NUP210: variants seen among roughly 807,000 people sequenced by gnomAD.
NUP210 encodes the protein nucleoporin 210.
Under a neutral mutation model 196.0 loss-of-function variants are expected in NUP210, and 151 were observed. The ratio of observed to expected loss-of-function variants is 0.77; its 90% CI spans 0.67 to 0.88. NUP210 has a LOEUF of 0.88. Among genes scored for constraint, NUP210 ranks in the 40% least tolerant of loss-of-function variants. NUP210 has a pLI of 0.00. For missense variants in NUP210, 2,314 were observed against 2,493.7 expected (o/e 0.93, Z 1.53); for synonymous variants, 1,070 against 1,052.7 (o/e 1.02, Z -0.32).
At chr3:13,375,683 G>A (rs771847600) in intron 10 of NUP210, 42 bp from the exon 11 acceptor site, 1 of 1,591,420 alleles carries the variant, frequency 6.3e-7, no homozygotes, top group Non-Finnish European at 8.6e-7. Context: ...TGACAACCAT[G>A]TCATCATCAG....
Position 13,360,496 on chromosome 3 carries a change from G to C in NUP210, c.1933-5C>G. The C allele has an allele frequency of 6.2e-7, 1 of 1,600,436 alleles. No individual in the cohort carries two copies. Among genetic ancestry groups the C allele is most frequent in the Non-Finnish European group, 8.5e-7 (1 of 1,172,942 alleles). On this transcript the variant is annotated splice_polypyrimidine_tract_variant and splice_region_variant and intron_variant, in intron 14 of 39. Transcript: ENST00000254508. ...AACAGAGGAGGGATCCACAGCCTGGGGACAGAAGAGGCAGAAGACTTGGCA... is the reference window on the plus strand; with the variant it reads ...AACAGAGGAGGGATCCACAGCCTGGCGACAGAAGAGGCAGAAGACTTGGCA...
In NUP210 at chr3:13,350,612, A is replaced by G. The variant is rs1479627512; in HGVS notation, c.2835+1267T>C. Among the ~76,000 whole-genome samples the G allele has an allele frequency of 6.6e-6, 1 of 152,178 alleles. No homozygotes were observed. The highest frequency in any genetic ancestry group is 1.5e-5 in the Non-Finnish European group (1 of 68,032). ...CAACCAAACAACGATGAAGGGAGTA[A>G]AGGAAGATTTGATAACAATCTCATA... On this transcript the variant is annotated intron_variant, in intron 20 of 39. Transcript: ENST00000254508. The surrounding 1 kb of genome is among the most constrained non-coding windows in gnomAD (Gnocchi z 4.1).
intron 14 of NUP210, among the ~76,000 whole-genome samples, chr3:13,361,577 G>A (rs1000516224): frequency 1.3e-5 from 2 of 152,118 alleles, no homozygotes; most frequent in Non-Finnish European, 2.9e-5. Flanking sequence ...CCGCAGTCCT[G>A]CTCCTTGAAT....
intron 14 of NUP210, among the ~76,000 whole-genome samples, chr3:13,361,533 G>T (rs1471078510): frequency 1.3e-5 from 2 of 152,282 alleles, no homozygotes; most frequent in Admixed American, 1.3e-4. Flanking sequence ...CACACAGCAG[G>T]GGTGCGGAGA....
chr3:13,370,439 C>T (rs1227852282), intron 13 of NUP210, among the ~76,000 whole-genome samples: 1 of 152,216 alleles, frequency 6.6e-6, no homozygotes, highest in Non-Finnish European at 1.5e-5. Flanking sequence ...CAGCATCATA[C>T]AGCCAGCAAG....
chr3:13,384,710 G>T (rs1699217014), intron 6 of NUP210, among the ~76,000 whole-genome samples: 1 of 152,246 alleles, frequency 6.6e-6, no homozygotes, highest in Admixed American at 6.5e-5. Context: ...GCCATTTCTT[G>T]ATCAGTGTTC....
chr3:13,392,646 T>C (rs1007872328), intron 3 of NUP210, among the ~76,000 whole-genome samples: 2 of 152,180 alleles, frequency 1.3e-5, no homozygotes, highest in Non-Finnish European at 2.9e-5. Context: ...CCTTCCCGCA[T>C]ACCCCAGGGA....
In NUP210 at chr3:13,397,263, C is replaced by G. The variant is rs867693743; in HGVS notation, c.436+94G>C. 36 of 1,454,308 alleles carry G rather than the reference C, an allele frequency of 2.5e-5. No individual in the cohort carries two copies. In the South Asian group the frequency reaches 4.1e-4, roughly 16 times the overall value. 90.1% of individuals were successfully genotyped at this position (1,454,308 alleles called of 1,614,324 possible). A position where few individuals can be genotyped will look rare whatever the true frequency, so the allele number is the denominator to read the frequency against. ...CTCTAGGGACCTGCAGGGTTGGATG[C>G]CAGAGGAGTGGGGAATGCAGAGAGG... On this transcript the variant is annotated intron_variant, in intron 3 of 39. Coordinates refer to ENST00000254508, the MANE Select transcript of NUP210 (RefSeq NM_024923.4).
intron 1 of NUP210, among the ~76,000 whole-genome samples, chr3:13,411,184 A>G (rs1700164908): frequency 6.6e-6 from 1 of 152,196 alleles, no homozygotes; most frequent in African/African-American, 2.4e-5. Flanking sequence ...GTGAGCTATA[A>G]TTGTGCCACT....
intron 11 of NUP210, among the ~76,000 whole-genome samples, chr3:13,374,248 G>T (rs1391547327): frequency 2.0e-5 from 3 of 151,958 alleles, no homozygotes; most frequent in Admixed American, 6.6e-5. Context: ...TCACACTCAC[G>T]CTTTCACCCA....
chr3:13,360,253 A>T lies in NUP210; in HGVS notation c.2154+17T>A. On this transcript the variant is annotated intron_variant, in intron 15 of 39. Transcript: ENST00000254508. Reference sequence around the variant, plus strand: ...CTGCCTTAGGGCAAGGAGGGTCTGGAGCAGCTGCCCACTCACCTGCTCACC... The same window carrying T: ...CTGCCTTAGGGCAAGGAGGGTCTGGTGCAGCTGCCCACTCACCTGCTCACC... The T allele has an allele frequency of 6.2e-7, 1 of 1,605,732 alleles. No homozygotes were observed. Among genetic ancestry groups the T allele is most frequent in the Non-Finnish European group, 8.5e-7 (1 of 1,172,418 alleles).
chr3:13,397,448 G>T lies in NUP210; in HGVS notation c.345C>A (p.Leu115=). The T allele has an allele frequency of 6.2e-7, 1 of 1,613,012 alleles. No homozygotes were observed. The highest frequency in any genetic ancestry group is 8.5e-7 in the Non-Finnish European group (1 of 1,179,544). The change falls in exon 3 of 40, where the codon CTC becomes CTA. Residue 115 remains leucine, a synonymous_variant. Transcript: ENST00000254508. The stretch of plus-strand genomic sequence containing the variant: ...TGGAGACGATCTGGATGTCATGGAT[G>T]AGGTCCACAATGGCATCACAGCGCA... ...QVLRCDAIVD[L]IHDIQIVSTT...
chr3:13,367,279 T>C (rs1482780472), intron 13 of NUP210, among the ~76,000 whole-genome samples: 2 of 149,358 alleles, frequency 1.3e-5, no homozygotes, highest in African/African-American at 2.5e-5. Context: ...TCTATTAAAA[T>C]ACAGAATTAG....
chr3:13,321,723 G>T lies in NUP210; in HGVS notation c.5028C>A (p.Phe1676Leu). The change falls in exon 36 of 40, where the codon TTC (phenylalanine) becomes TTA (leucine). Residue 1676 changes from phenylalanine (F) to leucine (L), a missense_variant. By Grantham distance (22) the Phe-to-Leu change is conservative. Transcript: ENST00000254508. ...CCTCGGCCCCCACCTGCTCTGTGGA[G>T]AAGTGGCTGCTGGAGAGGGAGGCAC... ...VVSASLSSSH[F>L]STEQVGAEVP... 6.2e-7 allele frequency: 1 copy of T among 1,614,146 alleles called. No individual in the cohort carries two copies. The highest frequency in any genetic ancestry group is 8.5e-7 in the Non-Finnish European group (1 of 1,180,036).
intron 13 of NUP210, among the ~76,000 whole-genome samples, chr3:13,370,750 C>T (rs1230031454): frequency 2.6e-5 from 4 of 152,260 alleles, no homozygotes; most frequent in Admixed American, 2.6e-4. Flanking sequence ...CAGCTTCAAA[C>T]TGCAAAAGCT....
rs536066796 is a variant in NUP210 at position 13,332,297 on chromosome 3, T to C, written c.3931A>G (p.Asn1311Asp). ...SPNSYIKLQT[N>D]RDGAASLSYR... ...AACAAGAGCTGAGTCACGTACCTGT[T>C]TGTCTGCAGCTTTATATATGAGTTG... Residue 1311 changes from asparagine to aspartate, a missense_variant, in exon 29 of 40, where the codon AAC (asparagine) becomes GAC (aspartate). Asn to Asp is a conservative substitution (Grantham distance 23). Coordinates refer to ENST00000254508, the MANE Select transcript of NUP210 (RefSeq NM_024923.4). The C allele has an allele frequency of 3.8e-5, 62 of 1,612,990 alleles. No homozygotes were observed. In the Admixed American group the frequency reaches 7.5e-4, roughly 20 times the overall value.
rs776929940 is a variant in NUP210 at position 13,341,734 on chromosome 3, A to G, written c.3228+14T>C. 1 of 1,614,074 alleles carries G rather than the reference A, an allele frequency of 6.2e-7. No individual in the cohort carries two copies. Among genetic ancestry groups the G allele is most frequent in the Non-Finnish European group, 8.5e-7 (1 of 1,179,942 alleles). On this transcript the variant is annotated intron_variant, in intron 23 of 39. Coordinates refer to ENST00000254508, the MANE Select transcript of NUP210 (RefSeq NM_024923.4). ...TGGGCTGATCCCACATGGTGTGGGA[A>G]GAACTCGTCTTACTTCAATCTGTTG...
intron 34 of NUP210, 83 bp from the exon 35 acceptor site, chr3:13,322,422 G>A (rs1696577617): frequency 1.3e-6 from 2 of 1,509,006 alleles, no homozygotes; most frequent in Non-Finnish European, 1.8e-6. Flanking sequence ...CAGGCTGGCT[G>A]GGCTGCAAAT....
intron 3 of NUP210, among the ~76,000 whole-genome samples, chr3:13,397,065 C>G (rs563185399): frequency 1.3e-5 from 2 of 152,286 alleles, no homozygotes; most frequent in African/African-American, 4.8e-5. Context: ...GGGTCTGGCT[C>G]CAGGGTCACA....
Sources: allele counts gnomAD v4.1 joint callset (sites outside exome capture counted in the v4.1 genomes callset), GRCh38; gene constraint gnomAD v4.1.1; non-coding constraint Gnocchi (gnomAD v3.1); transcripts MANE v1.5; gene names NCBI Gene and HGNC (gene_info 2026-07-23, HGNC 2026-07-21).